Variants in SZT2 observed in about 807,000 individuals in gnomAD.
SZT2 encodes KICSTOR complex protein SZT2.
Under a neutral mutation model 404.2 loss-of-function variants are expected in SZT2, and 216 were observed. That is an observed-to-expected ratio of 0.53 (90% confidence interval 0.48 to 0.60). The LOEUF is 0.60. SZT2 is among the 20% of genes least tolerant of loss of function. The probability of loss-of-function intolerance (pLI) is 0.00; values close to 1 mark genes in which losing one functional copy is unlikely to be tolerated. For synonymous variants in SZT2, 1,693 were observed against 1,749.9 expected, an observed-to-expected ratio of 0.97 and a Z score of 0.81; for missense variants, 3,857 against 4,459.2, an observed-to-expected ratio of 0.86 and a Z score of 3.85.
Position 43,430,999 on chromosome 1 carries a change from T to C in SZT2, c.4825T>C (p.Leu1609=), listed in dbSNP as rs2153933928. ...CCCCCCAGTTGGAGGCCGAGTTCCCTTGAGGGACCTCAGTGTGACTCTGGA... is the reference window on the plus strand; with the variant it reads ...CCCCCCAGTTGGAGGCCGAGTTCCCCTGAGGGACCTCAGTGTGACTCTGGA... ...EGPPVGGRVP[L]RDLSVTLDVF... The change falls in exon 33 of 72, where the codon TTG becomes CTG. Residue 1609 remains leucine, a synonymous_variant. Coordinates refer to ENST00000634258, the MANE Select transcript of SZT2 (RefSeq NM_001365999.1). 1.2e-6 allele frequency: 2 copies of C among 1,614,176 alleles called. No homozygotes were observed. Among genetic ancestry groups the C allele is most frequent in the Middle Eastern group, 3.3e-4 (2 of 6,062 alleles).
chr1:43,447,025 A>T lies in SZT2; in HGVS notation c.9143A>T (p.Asp3048Val). The T allele has an allele frequency of 6.2e-7, 1 of 1,613,960 alleles. No homozygotes were observed. Among genetic ancestry groups the T allele is most frequent in the Non-Finnish European group, 8.5e-7 (1 of 1,180,030 alleles). ...DLMHVHSFSY[D>V]FHLRLVHQHV... Reference sequence around the variant, plus strand: ...ATGCACGTGCACTCGTTCAGCTATGACTTCCATCTGCGCCTCGTGCATCAG... The same window carrying T: ...ATGCACGTGCACTCGTTCAGCTATGTCTTCCATCTGCGCCTCGTGCATCAG... Residue 3048 changes from aspartate (D) to valine (V), a missense_variant, in exon 66 of 72, where the codon GAC (aspartate) becomes GTC (valine). Asp to Val is a radical substitution (Grantham distance 152). Transcript: ENST00000634258.
chr1:43,432,732 T>G lies in SZT2; in HGVS notation c.5535T>G (p.Ser1845Arg), dbSNP rs114759137. 2.6e-3 allele frequency: 4,227 copies of G among 1,613,606 alleles called. 95 individuals carry two copies. The African/African-American group carries it at 0.05, about 19-fold the overall frequency. The change falls in exon 39 of 72, where the codon AGT becomes AGG. Residue 1845 changes from serine (S) to arginine (R), a missense_variant. Transcript: ENST00000634258. ...GCATTTTCCTTCTCTATCCAGGGAG[T>G]CAGCCTGGGCCCAGCCGGGGATTAA... is the stretch of plus-strand genomic sequence containing the variant. Reference protein sequence around the residue: ...ISLPRVPQGGSQPGPSRGLSL... With the variant: ...ISLPRVPQGGRQPGPSRGLSL...
In SZT2 at chr1:43,390,042, A is replaced by AG. The variant is rs913238639; in HGVS notation, c.27+50dup. The AG allele has an allele frequency of 2.9e-6, 4 of 1,368,434 alleles. No individual in the cohort carries two copies. In the African/African-American group the frequency reaches 6.2e-5, roughly 21 times the overall value. The allele number at this position is 1,368,434 out of a possible 1,614,324, so 84.8% of individuals were successfully genotyped here. A position where few individuals can be genotyped will look rare whatever the true frequency, so the allele number is the denominator to read the frequency against. The stretch of plus-strand genomic sequence containing the variant: ...CACTGGGCCCCGAGATCCGAGGGGG[A>AG]GGGTCCGGCGGGCAGGCGTGGCGTT... On this transcript the variant is annotated intron_variant, in intron 1 of 71. Transcript: ENST00000634258.
chr1:43,443,596 G>A lies in SZT2; in HGVS notation c.8626-1G>A. The A allele has an allele frequency of 1.9e-6, 3 of 1,614,096 alleles. No homozygotes were observed. The highest frequency in any genetic ancestry group is 2.5e-6 in the Non-Finnish European group (3 of 1,180,026). ...GTCTTCCTTGATCTTTACTCTCATA[G>A]CGGCGCCATCGCCCTGAGTCAGGGT... is the stretch of plus-strand genomic sequence containing the variant. On this transcript the variant is annotated splice_acceptor_variant, in intron 61 of 71. Coordinates refer to ENST00000634258, the MANE Select transcript of SZT2 (RefSeq NM_001365999.1). LOFTEE classifies it high-confidence loss of function.
chr1:43,403,334 G>C, intron 2 of SZT2, 32 bp downstream of exon 2: 1 of 1,605,166 alleles, frequency 6.2e-7, no homozygotes, highest in Non-Finnish European at 8.5e-7. Context: ...GGTGTGAGGG[G>C]CCAGCCCAGA....
In SZT2 at chr1:43,425,641, C is replaced by T. The variant is rs1653053429; in HGVS notation, c.2813C>T (p.Ala938Val). Reference sequence around the variant, plus strand: ...CTGACGTATTCTGAGATCCCGCAAGCTGTGAGTGTCCTCAGAACAGTACCC... The same window carrying T: ...CTGACGTATTCTGAGATCCCGCAAGTTGTGAGTGTCCTCAGAACAGTACCC... Reference protein sequence around the residue: ...QDLTYSEIPQALHPRDAACIG... With the variant: ...QDLTYSEIPQVLHPRDAACIG... The change falls in exon 19 of 72, where the codon GCT becomes GTT. Residue 938 changes from alanine (A) to valine (V), a missense_variant and splice_region_variant. Coordinates refer to ENST00000634258, the MANE Select transcript of SZT2 (RefSeq NM_001365999.1). The surrounding 1 kb of genome is among the most constrained non-coding windows in gnomAD (Gnocchi z 4.3). 1 of 1,613,798 alleles carries T rather than the reference C, an allele frequency of 6.2e-7. No individual in the cohort carries two copies. Among genetic ancestry groups the T allele is most frequent in the Non-Finnish European group, 8.5e-7 (1 of 1,180,000 alleles).
chr1:43,424,808 C>T lies in SZT2; in HGVS notation c.2496C>T (p.His832=). The change falls in exon 17 of 72, where the codon CAC becomes CAT. Residue 832 remains histidine, a synonymous_variant. Coordinates refer to ENST00000634258, the MANE Select transcript of SZT2 (RefSeq NM_001365999.1). The surrounding 1 kb of genome is among the most constrained non-coding windows in gnomAD (Gnocchi z 4.1). Reference sequence around the variant, plus strand: ...GAGTCCGACTTTCTGAAGGATTCCACTTCGCCTGCAGTGGGGAAGGAATCA... The same window carrying T: ...GAGTCCGACTTTCTGAAGGATTCCATTTCGCCTGCAGTGGGGAAGGAATCA... ...LTEVRLSEGF[H]FACSGEGIIN... 1.2e-6 allele frequency: 2 copies of T among 1,614,116 alleles called. No homozygotes were observed. Among genetic ancestry groups the T allele is most frequent in the Non-Finnish European group, 1.7e-6 (2 of 1,179,960 alleles).
At chr1:43,433,251 C>T in intron 40 of SZT2, 61 bp downstream of exon 40, 1 of 1,544,482 alleles carries the variant, frequency 6.5e-7, no homozygotes, top group South Asian at 1.1e-5. Flanking sequence ...TCTGCTCCCA[C>T]AGTACCTCTC....
At position 43,440,443 on chromosome 1, in the gene SZT2, A is replaced by G; in HGVS notation, c.7211-10A>G. 1.3e-6 allele frequency: 2 copies of G among 1,576,828 alleles called. No individual in the cohort carries two copies. Among genetic ancestry groups the G allele is most frequent in the Non-Finnish European group, 1.7e-6 (2 of 1,163,076 alleles). ...CAGTGATGGGTGTCTGTAATGTCTG[A>G]TGTCCACAGGAAGTCTCAGGAACGG... On this transcript the variant is annotated splice_polypyrimidine_tract_variant and intron_variant, in intron 51 of 71. Coordinates refer to ENST00000634258, the MANE Select transcript of SZT2 (RefSeq NM_001365999.1).
intron 4 of SZT2, among the ~76,000 whole-genome samples, chr1:43,413,006 A>G (rs1454173825): frequency 6.6e-6 from 1 of 152,254 alleles, no homozygotes; most frequent in Non-Finnish European, 1.5e-5. Context: ...AAGACAGGCA[A>G]TAACATGCTG....
At chr1:43,449,049 C>T (rs1656055523) in intron 70 of SZT2, 1 of 302,728 alleles carries the variant, frequency 3.3e-6, no homozygotes, top group South Asian at 4.8e-5. Flanking sequence ...ACCCCTTGGA[C>T]TTTGAAGCCT....
chr1:43,428,162 A>T (rs745789129), intron 27 of SZT2, 44 bp downstream of exon 27: 2 of 1,611,008 alleles, frequency 1.2e-6, no homozygotes, highest in Non-Finnish European at 1.7e-6. Flanking sequence ...GCCCTGCGGG[A>T]GATACAGGGA....
In SZT2 at chr1:43,442,445, C is replaced by T. The variant is rs1291808078; in HGVS notation, c.7978C>T (p.Gln2660Ter). 1.2e-6 allele frequency: 2 copies of T among 1,612,872 alleles called. No homozygotes were observed. The highest frequency in any genetic ancestry group is 1.7e-6 in the Non-Finnish European group (2 of 1,179,150). Reference protein sequence around the residue: ...LLLEVVDKKLQLLTYNWAPDL... With the variant: ...LLLEVVDKKL ...GACCCTGACCCCCGACCTCCAGCTACAGCTGCTGACCTACAACTGGGCTCC... is the reference window on the plus strand; with the variant it reads ...GACCCTGACCCCCGACCTCCAGCTATAGCTGCTGACCTACAACTGGGCTCC... The change falls in exon 58 of 72, where the codon CAG becomes TAG. Residue 2660 changes from glutamine (Q) to a stop codon, truncating the protein, a stop_gained. Transcript: ENST00000634258. LOFTEE classifies it high-confidence loss of function. This position sits in a 1 kb window ranked among gnomAD's most constrained non-coding sequence, Gnocchi z 4.5.
chr1:43,391,170 C>A (rs933032059), intron 1 of SZT2, among the ~76,000 whole-genome samples: 1 of 152,150 alleles, frequency 6.6e-6, no homozygotes, highest in African/African-American at 2.4e-5. Context: ...CAAAATTAGC[C>A]AAGCATGGTG....
intron 3 of SZT2, 115 bp from the exon 4 acceptor site, chr1:43,404,264 TG>T: frequency 1.2e-6 from 1 of 845,830 alleles, no homozygotes. Context: ...GCACTGTATT[TG>T]GGTGTGCGAT....
chr1:43,453,848 G>A lies in SZT2; in HGVS notation c.*3368G>A, dbSNP rs1247602387. 10 of 1,230,328 alleles carry A rather than the reference G, an allele frequency of 8.1e-6. No individual in the cohort carries two copies. Among genetic ancestry groups the A allele is most frequent in the African/African-American group, 1.6e-5 (1 of 63,444 alleles). The allele number at this position is 1,230,328 out of a possible 1,614,324, so 76.2% of individuals were successfully genotyped here. On this transcript the variant is annotated 3_prime_UTR_variant, in exon 72 of 72. Transcript: ENST00000634258. ...GCGGGATCCAAAGGCGGCGGGCGGC[G>A]GGCGGCGGGCGGCGGGCGGGGGCGG...
At chr1:43,401,125 A>G (rs1649632490) in intron 1 of SZT2, among the ~76,000 whole-genome samples, 1 of 151,990 alleles carries the variant, frequency 6.6e-6, no homozygotes, top group Admixed American at 6.5e-5. Context: ...AGGTTTCATC[A>G]TGTTGCCCAG....
In SZT2 at chr1:43,451,346, A is replaced by G. The variant is rs1656382287; in HGVS notation, c.*866A>G. The stretch of plus-strand genomic sequence containing the variant: ...GAGGGAGGCCTCGGCACCTCAGCCC[A>G]CAAGGAGAAAACAGCCCCTGTCCGG... On this transcript the variant is annotated 3_prime_UTR_variant, in exon 72 of 72. Coordinates refer to ENST00000634258, the MANE Select transcript of SZT2 (RefSeq NM_001365999.1). 1 of 1,612,706 alleles carries G rather than the reference A, an allele frequency of 6.2e-7. No individual in the cohort carries two copies. The highest frequency in any genetic ancestry group is 1.3e-5 in the African/African-American group (1 of 74,914).
At chr1:43,444,009 C>A (rs1002710970) in intron 62 of SZT2, among the ~76,000 whole-genome samples, 21 of 152,236 alleles carry the variant, frequency 1.4e-4, no homozygotes, top group Non-Finnish European at 2.9e-5. Context: ...TTATGGAACT[C>A]ATGATGACAC....
Sources: allele counts gnomAD v4.1 joint callset (sites outside exome capture counted in the v4.1 genomes callset), GRCh38; gene constraint gnomAD v4.1.1; non-coding constraint Gnocchi (gnomAD v3.1); transcripts MANE v1.5; gene names NCBI Gene and HGNC (gene_info 2026-07-23, HGNC 2026-07-21).